Variants in VRK1 observed in about 807,000 individuals in gnomAD.
VRK1 encodes VRK serine/threonine kinase 1, also known as serine/threonine-protein kinase VRK1.
VRK1 carries 33 observed loss-of-function variants against 57.1 expected under a neutral mutation model. That is an observed-to-expected ratio of 0.58 (90% CI 0.44 to 0.77). The LOEUF (loss-of-function observed/expected upper bound fraction) is 0.77, where lower values mean the gene tolerates loss of function less well. Ranked by LOEUF, VRK1 falls within the 30% of genes least tolerant of loss-of-function variation. The probability of loss-of-function intolerance (pLI) is 0.00; values close to 1 mark genes in which losing one functional copy is unlikely to be tolerated. For synonymous variants in VRK1, 137 were observed against 147.8 expected (o/e 0.93, Z 0.53); for missense variants, 413 against 477.3 (o/e 0.87, Z 1.25).
At position 96,839,260 on chromosome 14, in the gene VRK1, G is replaced by C. The variant is rs146540339; in HGVS notation, c.216+1443G>C. 3.1e-3 allele frequency among the ~76,000 whole-genome samples: 466 copies of C among 152,174 alleles called. 3 individuals are homozygous for C. Among genetic ancestry groups the C allele is most frequent in the African/African-American group, 0.011 (438 of 41,518 alleles). ...GTTTCATTTTATTGCTCTCTTGATA[G>C]ACATTGAGGTTGTTTCCAGTTTTTG... On this transcript the variant is annotated intron_variant, in intron 3 of 12. Coordinates refer to ENST00000216639, the MANE Select transcript of VRK1 (RefSeq NM_003384.3).
intron 1 of VRK1, among the ~76,000 whole-genome samples, chr14:96,820,429 C>T (rs959056088): frequency 6.6e-6 from 1 of 152,122 alleles, no homozygotes; most frequent in African/African-American, 2.4e-5. Context: ...CAGCCTCTAC[C>T]CTCCTCATCT....
At chr14:96,877,516 C>T (rs1889090545) in intron 12 of VRK1, 1 of 1,289,282 alleles carries the variant, frequency 7.8e-7, no homozygotes, top group Non-Finnish European at 1.0e-6. Context: ...TGAGGAGTCC[C>T]AAGGAGCAAT....
In VRK1 at chr14:96,833,503, G is replaced by C; in HGVS notation, c.32G>C (p.Arg11Thr). The change falls in exon 2 of 13, where the codon AGA becomes ACA. Residue 11 changes from arginine (R) to threonine (T), a missense_variant. Transcript: ENST00000216639. The stretch of plus-strand genomic sequence containing the variant: ...CGTGTAAAAGCAGCTCAAGCTGGAA[G>C]ACAGAGCTCTGCAAAGAGACATCTT... MPRVKAAQAG[R>T]QSSAKRHLAE... is the part of the protein sequence containing the mutation. 6.2e-7 allele frequency: 1 copy of C among 1,613,752 alleles called. No individual in the cohort carries two copies. The highest frequency in any genetic ancestry group is 1.3e-5 in the African/African-American group (1 of 75,018).
rs548805100 is a variant in VRK1 at position 96,827,622 on chromosome 14, C to T, written c.-5-5845C>T. ...GTGAAGTGTTCCTTTCTTGGGCACT[C>T]TCCCTTAGCCTTGGAGACAGTAACT... On this transcript the variant is annotated intron_variant, in intron 1 of 12. Transcript: ENST00000216639. Among the ~76,000 whole-genome samples, 40 of 152,284 alleles carry T rather than the reference C, an allele frequency of 2.6e-4. No homozygotes were observed. In the South Asian group the frequency reaches 7.5e-3, roughly 28 times the overall value.
At chr14:96,811,953 C>T (rs532733811) in intron 1 of VRK1, among the ~76,000 whole-genome samples, 1 of 152,262 alleles carries the variant, frequency 6.6e-6, no homozygotes, top group Admixed American at 6.5e-5. Context: ...CAGTCATTCT[C>T]CATTCCCTAC....
intron 10 of VRK1, chr14:96,859,150 T>C (rs1199695290): frequency 6.6e-6 from 1 of 152,212 alleles, no homozygotes; most frequent in Non-Finnish European, 1.5e-5. Context: ...CTATTTTAGG[T>C]ATTTTTTGAT....
intron 1 of VRK1, among the ~76,000 whole-genome samples, chr14:96,819,458 A>G (rs1482021265): frequency 6.6e-6 from 1 of 152,210 alleles, no homozygotes; most frequent in Non-Finnish European, 1.5e-5. Flanking sequence ...GCATGAAAAT[A>G]TAAAGATGCT....
intron 1 of VRK1, among the ~76,000 whole-genome samples, chr14:96,804,815 G>A (rs1199180968): frequency 6.6e-6 from 1 of 152,192 alleles, no homozygotes; most frequent in Non-Finnish European, 1.5e-5. Flanking sequence ...TGTTACTTCA[G>A]AATGTTATAA....
chr14:96,876,080 G>A lies in VRK1; in HGVS notation c.1119G>A (p.Thr373=), dbSNP rs777515325. 1 of 1,613,524 alleles carries A rather than the reference G, an allele frequency of 6.2e-7. No individual in the cohort carries two copies. The highest frequency in any genetic ancestry group is 8.5e-7 in the Non-Finnish European group (1 of 1,179,646). ...GCAAGGAACCTGGTGTTGAAGATAC[G>A]GAATGGTCAAACACACAGACAGAGG... The part of the protein sequence containing the change: ...EESKEPGVED[T]EWSNTQTEEA... Residue 373 remains threonine (T), a synonymous_variant, in exon 12 of 13, where the codon ACG becomes ACA. Transcript: ENST00000216639.
rs73357308 is a variant in VRK1 at position 96,827,426 on chromosome 14, G to C, written c.-5-6041G>C. Among the ~76,000 whole-genome samples, 308 of 152,098 alleles carry C rather than the reference G, an allele frequency of 2.0e-3. 1 individual carries two copies. The highest frequency in any genetic ancestry group is 7.0e-3 in the African/African-American group (291 of 41,484). Reference sequence around the variant, plus strand: ...TTTGTTTTTCTTAATCTCTTAAGGTGTGGCTGTCAGCTCTACTTACTCTCC... The same window carrying C: ...TTTGTTTTTCTTAATCTCTTAAGGTCTGGCTGTCAGCTCTACTTACTCTCC... On this transcript the variant is annotated intron_variant, in intron 1 of 12. Coordinates refer to ENST00000216639, the MANE Select transcript of VRK1 (RefSeq NM_003384.3).
Position 96,880,633 on chromosome 14 carries a change from A to G in VRK1, c.1160-544A>G, listed in dbSNP as rs200852088. 5.9e-5 allele frequency among the ~76,000 whole-genome samples: 9 copies of G among 152,350 alleles called. No homozygotes were observed. In the East Asian group the frequency reaches 1.7e-3, roughly 29 times the overall value. On this transcript the variant is annotated intron_variant, in intron 12 of 12. Coordinates refer to ENST00000216639, the MANE Select transcript of VRK1 (RefSeq NM_003384.3). ...CCAGTATCACATATGATCCTTTTCC[A>G]GGAGGCTACTCATTTGGGACCTGTA...
chr14:96,855,444 A>C, intron 8 of VRK1, 88 bp downstream of exon 8: 2 of 1,594,132 alleles, frequency 1.3e-6, no homozygotes, highest in Non-Finnish European at 1.7e-6. Flanking sequence ...TAAGTAAATG[A>C]ATAGATAAAT....
chr14:96,797,913 C>T (rs1194015933), intron 1 of VRK1, among the ~76,000 whole-genome samples: 2 of 152,352 alleles, frequency 1.3e-5, no homozygotes, highest in South Asian at 2.1e-4. Context: ...GAAATGCTTT[C>T]TTAGAAACGG....
intron 1 of VRK1, among the ~76,000 whole-genome samples, chr14:96,824,470 G>C (rs1215449571): frequency 6.6e-6 from 1 of 152,126 alleles, no homozygotes; most frequent in Non-Finnish European, 1.5e-5. Flanking sequence ...TCATAGCATG[G>C]AAGTCACTGG....
At chr14:96,847,429 C>T in intron 5 of VRK1, 85 bp downstream of exon 5, 1 of 1,067,280 alleles carries the variant, frequency 9.4e-7, no homozygotes, top group Non-Finnish European at 1.4e-6. Flanking sequence ...ATTTACTGAT[C>T]ACTTACAATA....
rs1887750221 is a variant in VRK1, at chr14:96,847,403, G to A, written c.374+59G>A. 18 of 1,389,274 alleles carry A rather than the reference G, an allele frequency of 1.3e-5. No homozygotes were observed. In the East Asian group the frequency reaches 3.9e-4, roughly 30 times the overall value. 86.1% of individuals were successfully genotyped at this position (1,389,274 alleles called of 1,614,324 possible). ...CTTTTGCAACATTCACTATTTAGTT[G>A]GTTTAGTCAGTAATTATTTACTGAT... On this transcript the variant is annotated intron_variant, in intron 5 of 12. Transcript: ENST00000216639.
intron 10 of VRK1, among the ~76,000 whole-genome samples, chr14:96,857,983 G>C (rs1351704492): frequency 1.3e-5 from 2 of 152,040 alleles, no homozygotes; most frequent in Non-Finnish European, 2.9e-5. Flanking sequence ...TGAAATTATT[G>C]TTTACTTCTG....
intron 12 of VRK1, among the ~76,000 whole-genome samples, chr14:96,878,971 G>C (rs1337612023): frequency 6.6e-6 from 1 of 152,028 alleles, no homozygotes; most frequent in Admixed American, 6.6e-5. Flanking sequence ...ACTTTTGTTG[G>C]TATTATTTTT....
At chr14:96,805,127 A>G (rs1885819870) in intron 1 of VRK1, among the ~76,000 whole-genome samples, 1 of 152,216 alleles carries the variant, frequency 6.6e-6, no homozygotes. Flanking sequence ...CATGGCAAAG[A>G]GGAGACTCAG....
Sources: gnomAD v4.1 joint callset for allele counts (sites outside exome capture counted in the v4.1 genomes callset) on GRCh38, gnomAD v4.1.1 for gene constraint, MANE v1.5 for transcripts, NCBI Gene and HGNC (gene_info 2026-07-23, HGNC 2026-07-21) for gene names.